Variants in TRIML1 observed in about 807,000 individuals in gnomAD.
The protein encoded by TRIML1 is probable E3 ubiquitin-protein ligase TRIML1.
TRIML1 carries 34 observed loss-of-function variants against 32.3 expected under a neutral mutation model. The ratio of observed to expected loss-of-function variants is 1.05; its 90% confidence interval spans 0.80 to 1.40. The LOEUF (loss-of-function observed/expected upper bound fraction) is 1.40, where lower values mean the gene tolerates loss of function less well. TRIML1 is among the 40% of genes most tolerant of loss of function. TRIML1 has a pLI of 0.00. For missense variants in TRIML1, 595 were observed against 574.9 expected, an observed-to-expected ratio of 1.03 and a Z score of -0.36; for synonymous variants, 244 against 226.6, an observed-to-expected ratio of 1.08 and a Z score of -0.69.
chr4:188,150,496 A>G (rs1054468762), downstream of TRIML1, among the ~76,000 whole-genome samples: 3 of 152,216 alleles, frequency 2.0e-5, no homozygotes, highest in Admixed American at 2.0e-4. Flanking sequence ...AAATGATAAA[A>G]AGCAAACAGC....
In TRIML1 at chr4:188,147,433, C is replaced by A. The variant is rs748939417; in HGVS notation, c.*61C>A. 5.1e-6 allele frequency: 7 copies of A among 1,372,210 alleles called. No individual in the cohort carries two copies. The highest frequency in any genetic ancestry group is 2.9e-5 in the African/African-American group (2 of 68,848). The allele number at this position is 1,372,210 out of a possible 1,614,324, so 85.0% of individuals were successfully genotyped here. A position where few individuals can be genotyped will look rare whatever the true frequency, so the allele number is the denominator to read the frequency against. On this transcript the variant is annotated 3_prime_UTR_variant, in exon 6 of 6. Transcript: ENST00000332517. ...TGAGACCAAGACACAACTATTAAGACGATGAAGGCATCGACAGTATTAATG... is the reference window on the plus strand; with the variant it reads ...TGAGACCAAGACACAACTATTAAGAAGATGAAGGCATCGACAGTATTAATG...
Position 188,142,392 on chromosome 4 carries a change from G to A in TRIML1, c.645G>A (p.Glu215=). 1.2e-6 allele frequency: 2 copies of A among 1,613,850 alleles called. No homozygotes were observed. Among genetic ancestry groups the A allele is most frequent in the Non-Finnish European group, 1.7e-6 (2 of 1,179,988 alleles). ...KENMRKLRNN[E]IKLTQQIRSL... ...ACATGAGGAAGCTGAGGAACAATGA[G>A]ATCAAACTGACCCAGCAAATCAGAA... Residue 215 remains glutamate, a synonymous_variant, in exon 3 of 6, where the codon GAG becomes GAA. Coordinates refer to ENST00000332517, the MANE Select transcript of TRIML1 (RefSeq NM_178556.5).
At chr4:188,148,543 AG>A (rs1414147603), downstream of TRIML1, among the ~76,000 whole-genome samples, 4 of 151,552 alleles carry the variant, frequency 2.6e-5, no homozygotes, top group African/African-American at 9.7e-5. Flanking sequence ...GGCTGAGGGG[AG>A]CTCTTTTGGC....
chr4:188,149,771 A>G (rs192053346), downstream of TRIML1, among the ~76,000 whole-genome samples: 19 of 152,150 alleles, frequency 1.2e-4, no homozygotes, highest in Non-Finnish European at 1.5e-5. Context: ...TCCTTAGACT[A>G]TCTGTGGCCC....
chr4:188,145,149 T>C (rs1363663339), intron 5 of TRIML1, among the ~76,000 whole-genome samples: 1 of 151,950 alleles, frequency 6.6e-6, no homozygotes, highest in Non-Finnish European at 1.5e-5. Context: ...TGAAATGGTA[T>C]GATTGGGGCC....
chr4:188,150,271 G>GAA (rs1491244519), downstream of TRIML1, among the ~76,000 whole-genome samples: 7 of 151,556 alleles, frequency 4.6e-5, no homozygotes, highest in African/African-American at 1.7e-4. Flanking sequence ...AATCCCCATA[G>GAA]GCATGCACCA....
intron 5 of TRIML1, among the ~76,000 whole-genome samples, chr4:188,144,759 T>C (rs1220497985): frequency 6.6e-6 from 1 of 152,104 alleles, no homozygotes; most frequent in Non-Finnish European, 1.5e-5. Flanking sequence ...TCTACATTTC[T>C]AGCTCTGATC....
chr4:188,139,115 A>G (rs1199980869), upstream of TRIML1, among the ~76,000 whole-genome samples: 4 of 152,216 alleles, frequency 2.6e-5, no homozygotes, highest in Admixed American at 6.5e-5. Context: ...CCAAATTTCC[A>G]ATTCAGATAT....
At chr4:188,139,351 CAGG>C (rs1560968823), upstream of TRIML1, 5 of 510,446 alleles carry the variant, frequency 9.8e-6, no homozygotes, top group Admixed American at 3.6e-5. Context: ...GCCCAGTATA[CAGG>C]AGTTCCACAT....
In TRIML1 at chr4:188,146,889, G is replaced by A. The variant is rs762370502; in HGVS notation, c.924G>A (p.Val308=). ...YLVLSEDLKS[V]KYGGSRQQLP... Reference sequence around the variant, plus strand: ...TGTTGTCGGAGGATCTGAAGAGTGTGAAATATGGGGGAAGCAGACAGCAGC... The same window carrying A: ...TGTTGTCGGAGGATCTGAAGAGTGTAAAATATGGGGGAAGCAGACAGCAGC... Residue 308 remains valine, a synonymous_variant, in exon 6 of 6, where the codon GTG becomes GTA. Coordinates refer to ENST00000332517, the MANE Select transcript of TRIML1 (RefSeq NM_178556.5). 4.0e-6 allele frequency: 6 copies of A among 1,493,012 alleles called. No individual in the cohort carries two copies. Among genetic ancestry groups the A allele is most frequent in the Non-Finnish European group, 4.5e-6 (5 of 1,120,732 alleles). The allele number at this position is 1,493,012 out of a possible 1,614,324, so 92.5% of individuals were successfully genotyped here. A position where few individuals can be genotyped will look rare whatever the true frequency, so the allele number is the denominator to read the frequency against.
rs1461889118 is a variant in TRIML1, at chr4:188,142,483, G to T, written c.735+1G>T. The T allele has an allele frequency of 6.2e-7, 1 of 1,610,786 alleles. No homozygotes were observed. The highest frequency in any genetic ancestry group is 8.5e-7 in the Non-Finnish European group (1 of 1,177,568). ...AAGCTCGGCTTTCGAATCTCTTGAG[G>T]TGAGAATAACATTCATGAGAGTAAT... On this transcript the variant is annotated splice_donor_variant, in intron 3 of 5. Coordinates refer to ENST00000332517, the MANE Select transcript of TRIML1 (RefSeq NM_178556.5). LOFTEE classifies it high-confidence loss of function.
chr4:188,142,149 A>G, intron 2 of TRIML1, 103 bp from the exon 3 acceptor site: 1 of 751,264 alleles, frequency 1.3e-6, no homozygotes. Context: ...AAGAAACTCT[A>G]GGACTTGTAA....
At chr4:188,150,399 G>A (rs542861050), downstream of TRIML1, among the ~76,000 whole-genome samples, 134 of 152,232 alleles carry the variant, frequency 8.8e-4, no homozygotes, top group African/African-American at 3.1e-3. Context: ...AAAGTGCTGG[G>A]ATTACAGGCG....
chr4:188,138,289 G>A (rs1734723779), upstream of TRIML1, among the ~76,000 whole-genome samples: 2 of 152,100 alleles, frequency 1.3e-5, no homozygotes, highest in Admixed American at 1.3e-4. Flanking sequence ...AGGTAAGTGG[G>A]AAAGAAGTAG....
chr4:188,150,739 T>C (rs957644502), downstream of TRIML1, among the ~76,000 whole-genome samples: 1 of 151,444 alleles, frequency 6.6e-6, no homozygotes, highest in African/African-American at 2.4e-5. Flanking sequence ...TGCTGCACCA[T>C]TGTGTACACA....
chr4:188,142,799 C>T, intron 3 of TRIML1: 1 of 244,940 alleles, frequency 4.1e-6, no homozygotes, highest in Non-Finnish European at 7.8e-6. Flanking sequence ...TTACTATGTG[C>T]TGGGCACATT....
upstream of TRIML1, among the ~76,000 whole-genome samples, chr4:188,138,377 G>T (rs1734727140): frequency 6.6e-6 from 1 of 152,122 alleles, no homozygotes; most frequent in Non-Finnish European, 1.5e-5. Flanking sequence ...AGGCTGCCAA[G>T]CTGGAGAGTG....
upstream of TRIML1, among the ~76,000 whole-genome samples, chr4:188,138,670 GATTTGAAGGGGCCT>G (rs1734740814): frequency 6.6e-6 from 1 of 152,140 alleles, no homozygotes; most frequent in Non-Finnish European, 1.5e-5. Context: ...GATAATCAGG[GATTTGAAGGGGCCT>G]AGTTTGGAAA....
rs546391133 is a variant in TRIML1, at chr4:188,146,927, C to T, written c.962C>T (p.Pro321Leu). ...AGCAGACAGCAGCTACCCGACAACC[C>T]GGAAAGATTTGACCAGTCTGCGACT... ...GGSRQQLPDN[P>L]ERFDQSATVL... is the part of the protein sequence containing the mutation. The change falls in exon 6 of 6, where the codon CCG becomes CTG. Residue 321 changes from proline to leucine, a missense_variant. Coordinates refer to ENST00000332517, the MANE Select transcript of TRIML1 (RefSeq NM_178556.5). The T allele has an allele frequency of 1.3e-5, 20 of 1,495,270 alleles. 1 individual carries two copies. Among genetic ancestry groups the T allele is most frequent in the Admixed American group, 4.7e-5 (2 of 42,562 alleles). The allele number at this position is 1,495,270 out of a possible 1,614,324, so 92.6% of individuals were successfully genotyped here. A position where few individuals can be genotyped will look rare whatever the true frequency, so the allele number is the denominator to read the frequency against.
Sources: allele counts gnomAD v4.1 joint callset (sites outside exome capture counted in the v4.1 genomes callset), GRCh38; gene constraint gnomAD v4.1.1; transcripts MANE v1.5; gene names NCBI Gene and HGNC (gene_info 2026-07-23, HGNC 2026-07-21).